Variants in MALRD1 observed in about 807,000 individuals in gnomAD.
MALRD1 encodes MAM and LDL receptor class A domain containing 1.
A neutral mutation model predicts 242.1 loss-of-function variants in MALRD1; 247 were observed. That is an observed-to-expected ratio of 1.02 (90% CI 0.92 to 1.13). The LOEUF (loss-of-function observed/expected upper bound fraction) is 1.13. Ranked by LOEUF, MALRD1 falls within the 50% of genes most tolerant of loss-of-function variation. The pLI is 0.00. For synonymous variants in MALRD1, 995 were observed against 866.6 expected, an observed-to-expected ratio of 1.15 and a Z score of -2.60; for missense variants, 2,989 against 2,533.1, an observed-to-expected ratio of 1.18 and a Z score of -3.86.
chr10:19,058,051 T>A (rs1834718904), intron 1 of MALRD1, among the ~76,000 whole-genome samples: 1 of 152,226 alleles, frequency 6.6e-6, no homozygotes, highest in Non-Finnish European at 1.5e-5. Context: ...TGCCAAGCAC[T>A]GTTAAATAAT....
At chr10:19,634,280 G>A (rs1326990) in intron 36 of MALRD1, among the ~76,000 whole-genome samples, 6,801 of 152,246 alleles carry the variant, frequency 0.045, 216 homozygotes, top group Middle Eastern at 0.092. Flanking sequence ...TGGAGTAGCT[G>A]AAGAAGAACG....
At chr10:19,142,097 G>A (rs551454970) in intron 10 of MALRD1, among the ~76,000 whole-genome samples, 4 of 149,906 alleles carry the variant, frequency 2.7e-5, no homozygotes, top group South Asian at 4.2e-4. Flanking sequence ...GCGTGAACCC[G>A]GGAGGCGGAG....
chr10:19,157,513 C>T (rs1422761197), intron 12 of MALRD1, among the ~76,000 whole-genome samples: 1 of 152,060 alleles, frequency 6.6e-6, no homozygotes, highest in African/African-American at 2.4e-5. Flanking sequence ...TCCCAAAGTG[C>T]TGGGATTACA....
chr10:19,424,615 GTTACAA>G (rs1263740564), intron 28 of MALRD1, among the ~76,000 whole-genome samples: 1 of 152,186 alleles, frequency 6.6e-6, no homozygotes, highest in Non-Finnish European at 1.5e-5. Flanking sequence ...AATTTTCAGT[GTTACAA>G]TTAAAATATT....
intron 28 of MALRD1, among the ~76,000 whole-genome samples, chr10:19,444,293 A>G (rs568175472): frequency 1.4e-4 from 22 of 152,292 alleles, no homozygotes; most frequent in Non-Finnish European, 2.5e-4. Flanking sequence ...TAATTGGAAC[A>G]TTGAGCCCAT....
intron 32 of MALRD1, among the ~76,000 whole-genome samples, chr10:19,552,552 TTG>T (rs143870211): frequency 8.0e-5 from 12 of 150,774 alleles, no homozygotes; most frequent in South Asian, 2.1e-4. Flanking sequence ...TTTTGAATTT[TTG>T]TGTGTGTGTG....
intron 35 of MALRD1, among the ~76,000 whole-genome samples, chr10:19,612,527 G>A (rs769262636): frequency 4.6e-5 from 7 of 151,676 alleles, no homozygotes; most frequent in Admixed American, 2.0e-4. Flanking sequence ...CTTTCTTAAT[G>A]CCTGCTATCC....
chr10:19,367,656 C>A (rs185073409), intron 26 of MALRD1, among the ~76,000 whole-genome samples: 1 of 152,090 alleles, frequency 6.6e-6, no homozygotes, highest in Non-Finnish European at 1.5e-5. Flanking sequence ...TATGGCAGTT[C>A]TATTTGAAGT....
chr10:19,319,985 T>G (rs779246916), intron 21 of MALRD1, among the ~76,000 whole-genome samples: 1 of 151,882 alleles, frequency 6.6e-6, no homozygotes, highest in Non-Finnish European at 1.5e-5. Flanking sequence ...TATTTTCTTT[T>G]GTAGCCACAT....
chr10:19,155,203 A>G (rs1834097282), intron 12 of MALRD1, 31 bp downstream of exon 12: 1 of 1,185,740 alleles, frequency 8.4e-7, no homozygotes, highest in Non-Finnish European at 1.1e-6. Context: ...TCCACTGGCC[A>G]TTCTGCGGTT....
At chr10:19,100,847 C>T (rs1291479103) in intron 4 of MALRD1, among the ~76,000 whole-genome samples, 2 of 151,910 alleles carry the variant, frequency 1.3e-5, no homozygotes, top group Non-Finnish European at 2.9e-5. Context: ...ATATAGTTAA[C>T]ACTTACTTCT....
intron 28 of MALRD1, among the ~76,000 whole-genome samples, chr10:19,399,398 C>T (rs1319102094): frequency 1.3e-5 from 2 of 152,220 alleles, no homozygotes; most frequent in Middle Eastern, 3.4e-3. Context: ...TTGTAGAACT[C>T]GTTTAAGTTC....
chr10:19,565,620 T>C (rs2131455408), intron 32 of MALRD1, among the ~76,000 whole-genome samples: 1 of 152,316 alleles, frequency 6.6e-6, no homozygotes, highest in East Asian at 1.9e-4. Context: ...AATGGAAAAG[T>C]AATTACATAA....
At chr10:19,252,201 C>T (rs1588783223) in intron 18 of MALRD1, among the ~76,000 whole-genome samples, 1 of 152,004 alleles carries the variant, frequency 6.6e-6, no homozygotes, top group South Asian at 2.1e-4. Context: ...TCTGCGGCAG[C>T]TGAGGAGCAA....
At chr10:19,403,771 C>T (rs2130861549) in intron 28 of MALRD1, among the ~76,000 whole-genome samples, 1 of 152,148 alleles carries the variant, frequency 6.6e-6, no homozygotes, top group Non-Finnish European at 1.5e-5. Context: ...CATATGGCTC[C>T]TGAATGATGA....
intron 26 of MALRD1, among the ~76,000 whole-genome samples, chr10:19,362,363 G>A (rs1277922173): frequency 6.6e-6 from 1 of 152,064 alleles, no homozygotes; most frequent in East Asian, 1.9e-4. Context: ...TACTAGTAAT[G>A]TTCCTCTAAT....
At chr10:19,113,579 T>C (rs2131358851) in intron 5 of MALRD1, among the ~76,000 whole-genome samples, 1 of 151,524 alleles carries the variant, frequency 6.6e-6, no homozygotes, top group South Asian at 2.1e-4. Context: ...TCCCTTGCCT[T>C]CTTCCTCTCC....
intron 21 of MALRD1, among the ~76,000 whole-genome samples, chr10:19,319,410 C>T (rs984737807): frequency 1.3e-5 from 2 of 152,068 alleles, no homozygotes; most frequent in African/African-American, 2.4e-5. Flanking sequence ...TTCACAAGAG[C>T]CACACTTTTC....
At chr10:19,060,838 C>T (rs2131225081) in intron 1 of MALRD1, among the ~76,000 whole-genome samples, 1 of 152,288 alleles carries the variant, frequency 6.6e-6, no homozygotes, top group South Asian at 2.1e-4. Context: ...AGCCTTATAT[C>T]ATGTGCAGCA....
Sources: gnomAD v4.1 joint callset for allele counts (sites outside exome capture counted in the v4.1 genomes callset) on GRCh38, gnomAD v4.1.1 for gene constraint, MANE v1.5 for transcripts, NCBI Gene and HGNC (gene_info 2026-07-23, HGNC 2026-07-21) for gene names.